PRDM1: variants seen among roughly 807,000 people sequenced by gnomAD.
The protein encoded by PRDM1 is PR/SET domain 1.
A neutral mutation model predicts 62.8 loss-of-function variants in PRDM1; 13 were observed. That is an observed-to-expected ratio of 0.21 (90% CI 0.13 to 0.33). The LOEUF is 0.33. Among genes scored for constraint, PRDM1 ranks in the 10% least tolerant of loss-of-function variants. The pLI is 1.00. For missense variants in PRDM1, 895 were observed against 1,058.8 expected (o/e 0.85, Z 2.15); for synonymous variants, 396 against 417.6 (o/e 0.95, Z 0.63).
At chr6:106,021,449 G>T (rs1772694792) in intron 1 of PRDM1, among the ~76,000 whole-genome samples, 2 of 152,170 alleles carry the variant, frequency 1.3e-5, no homozygotes, top group Admixed American at 6.5e-5. Flanking sequence ...AGTAGAGTAA[G>T]CCCAGACAGG....
At chr6:106,080,314 G>T (rs936022979) in intron 1 of PRDM1, among the ~76,000 whole-genome samples, 12 of 152,194 alleles carry the variant, frequency 7.9e-5, no homozygotes, top group African/African-American at 2.9e-4. Flanking sequence ...TTTAATCACT[G>T]ATGTGCCCGT....
chr6:106,099,269 C>T (rs1774197958), intron 3 of PRDM1, 31 bp from the exon 4 acceptor site: 4 of 1,612,412 alleles, frequency 2.5e-6, no homozygotes, highest in Middle Eastern at 1.6e-4. Context: ...GTCTGACTTC[C>T]TTTTACATGC....
intron 1 of PRDM1, among the ~76,000 whole-genome samples, chr6:106,000,594 C>G (rs184217897): frequency 3.5e-4 from 49 of 141,974 alleles, no homozygotes; most frequent in African/African-American, 1.2e-3. Flanking sequence ...TATGTAATTT[C>G]CATGTATGTA....
intron 1 of PRDM1, among the ~76,000 whole-genome samples, chr6:106,057,094 C>G (rs1160242148): frequency 1.3e-5 from 2 of 152,162 alleles, no homozygotes; most frequent in Non-Finnish European, 2.9e-5. Flanking sequence ...ATTTGTATTT[C>G]CTGTTTTAAT....
chr6:106,071,797 G>A (rs1261579872), intron 1 of PRDM1, among the ~76,000 whole-genome samples: 1 of 152,160 alleles, frequency 6.6e-6, no homozygotes, highest in African/African-American at 2.4e-5. Context: ...TGGAAGGGAG[G>A]GTGGGTGAGA....
At chr6:106,051,058 A>G (rs1773165580) in intron 1 of PRDM1, among the ~76,000 whole-genome samples, 1 of 1,698 alleles carries the variant, frequency 5.9e-4, no homozygotes, top group Non-Finnish European at 1.1e-3. Flanking sequence ...AATAAAAAAA[A>G]TTACTAGAAA....
chr6:106,058,314 T>C (rs1190648338), intron 1 of PRDM1, among the ~76,000 whole-genome samples: 2 of 152,154 alleles, frequency 1.3e-5, no homozygotes, highest in Non-Finnish European at 2.9e-5. Context: ...TGTTGTATCC[T>C]CATGTGGATA....
intron 1 of PRDM1, among the ~76,000 whole-genome samples, chr6:106,009,871 C>T (rs186469906): frequency 3.9e-4 from 60 of 152,256 alleles, no homozygotes; most frequent in African/African-American, 1.4e-3. Context: ...GCATGCGCCA[C>T]CACGCCCGGC....
chr6:106,015,153 C>T lies in PRDM1; in HGVS notation c.-67+21514C>T, dbSNP rs77134172. 3.6e-3 allele frequency among the ~76,000 whole-genome samples: 555 copies of T among 152,248 alleles called. 4 individuals are homozygous for T. Among genetic ancestry groups the T allele is most frequent in the African/African-American group, 0.013 (538 of 41,548 alleles). The stretch of plus-strand genomic sequence containing the variant: ...CCTTTCTTTTACAAGGTGGTAATCT[C>T]TTAGCTGCCTATGGAAATAAGGCTG... On this transcript the variant is annotated intron_variant, in intron 1 of 6. Transcript: ENST00000652320.
At chr6:105,998,907 ATATATATATATATATATATATATATAT>A (rs869131470) in intron 1 of PRDM1, among the ~76,000 whole-genome samples, 8,562 of 62,206 alleles carry the variant, frequency 0.14, 325 homozygotes, top group African/African-American at 0.23. Flanking sequence ...ATATATATAT[ATATATATATATATATATATATATATAT>A]TTTTTTTTTT....
At chr6:105,997,875 G>A (rs1229693432) in intron 1 of PRDM1, among the ~76,000 whole-genome samples, 1 of 152,150 alleles carries the variant, frequency 6.6e-6, no homozygotes, top group East Asian at 1.9e-4. Flanking sequence ...TTCTATTTCA[G>A]TAGTATTTTA....
At chr6:106,080,668 A>G (rs1266440980) in intron 1 of PRDM1, among the ~76,000 whole-genome samples, 1 of 152,242 alleles carries the variant, frequency 6.6e-6, no homozygotes, top group Non-Finnish European at 1.5e-5. Context: ...TTGTCAGGAC[A>G]GAGCTCTCCT....
chr6:106,009,298 A>AT (rs1421316042), intron 1 of PRDM1, among the ~76,000 whole-genome samples: 3 of 152,198 alleles, frequency 2.0e-5, no homozygotes, highest in Non-Finnish European at 4.4e-5. Flanking sequence ...TCCAGTTCCA[A>AT]TTTATAGTGT....
At chr6:106,071,707 G>C (rs1773523786) in intron 1 of PRDM1, among the ~76,000 whole-genome samples, 1 of 150,472 alleles carries the variant, frequency 6.6e-6, no homozygotes, top group Non-Finnish European at 1.5e-5. Flanking sequence ...TGGATTGTCT[G>C]TTATGTGGTA....
chr6:106,084,103 G>A (rs1489157018), upstream of PRDM1, among the ~76,000 whole-genome samples: 1 of 151,240 alleles, frequency 6.6e-6, no homozygotes, highest in Non-Finnish European at 1.5e-5. Flanking sequence ...TTTAAATGAT[G>A]ATATCCATCA....
chr6:106,105,855 G>A lies in PRDM1; in HGVS notation c.1695G>A (p.Pro565=), dbSNP rs1238380896. 6.2e-7 allele frequency: 1 copy of A among 1,614,016 alleles called. No individual in the cohort carries two copies. The highest frequency in any genetic ancestry group is 1.3e-5 in the African/African-American group (1 of 74,898). Residue 565 remains proline (P), a synonymous_variant, in exon 5 of 7, where the codon CCG becomes CCA. Transcript: ENST00000369096. ...NMTGYKTLPY[P]LKKQNGKIKY... ...CCGGCTACAAGACCCTTCCCTACCC[G>A]CTGAAGAAGCAGAACGGCAAGATCA...
At chr6:106,096,872 T>TA (rs1774129755) in intron 3 of PRDM1, among the ~76,000 whole-genome samples, 1 of 152,196 alleles carries the variant, frequency 6.6e-6, no homozygotes, top group African/African-American at 2.4e-5. Context: ...TGTGCATACT[T>TA]ACATGAAATG....
At position 106,105,385 on chromosome 6, in the gene PRDM1, C is replaced by G; in HGVS notation, c.1225C>G (p.His409Asp). ...AGCTTTCATCCCCTCGTACAACGCT[C>G]ACTACCCCAAGTTCCTCTTGCCCCC... Reference protein sequence around the residue: ...PPAFIPSYNAHYPKFLLPPYG... With the variant: ...PPAFIPSYNADYPKFLLPPYG... Residue 409 changes from histidine (H) to aspartate (D), a missense_variant, in exon 5 of 7, where the codon CAC becomes GAC. His to Asp is a moderately conservative substitution (Grantham distance 81). Transcript: ENST00000369096. 6.2e-7 allele frequency: 1 copy of G among 1,614,202 alleles called. No homozygotes were observed. Among genetic ancestry groups the G allele is most frequent in the Non-Finnish European group, 8.5e-7 (1 of 1,180,034 alleles).
intron 3 of PRDM1, chr6:106,098,069 G>A: frequency 3.0e-6 from 1 of 332,978 alleles, no homozygotes. Context: ...TAACGTTTGA[G>A]CGAAATACAG....
Sources: gnomAD v4.1 joint callset for allele counts (sites outside exome capture counted in the v4.1 genomes callset) on GRCh38, gnomAD v4.1.1 for gene constraint, MANE v1.5 for transcripts, NCBI Gene and HGNC (gene_info 2026-07-23, HGNC 2026-07-21) for gene names.